Variants in MCC observed in about 807,000 individuals in gnomAD.
MCC encodes colorectal mutant cancer protein.
Under a neutral mutation model 116.2 loss-of-function variants are expected in MCC, and 90 were observed. The observed-to-expected ratio is 0.77, with a 90% confidence interval of 0.65 to 0.92. The LOEUF (loss-of-function observed/expected upper bound fraction) is 0.92. Ranked by LOEUF, MCC falls within the 40% of genes least tolerant of loss-of-function variation. The pLI is 0.00. For synonymous variants in MCC, 578 were observed against 510.5 expected (o/e 1.13, Z -1.78); for missense variants, 1,516 against 1,312.2 (o/e 1.16, Z -2.40).
At chr5:113,152,084 C>G (rs996177769) in intron 3 of MCC, among the ~76,000 whole-genome samples, 1 of 152,192 alleles carries the variant, frequency 6.6e-6, no homozygotes, top group Admixed American at 6.5e-5. Context: ...AGAACTCTGA[C>G]AAATGACGCT....
At chr5:113,454,099 G>A (rs142132569) in intron 1 of MCC, among the ~76,000 whole-genome samples, 75 of 151,706 alleles carry the variant, frequency 4.9e-4, no homozygotes, top group South Asian at 1.0e-3. Context: ...CAACAAGAGC[G>A]AAACTCTGTC....
At position 113,043,565 on chromosome 5, in the gene MCC, A is replaced by T. The variant is rs1437728392; in HGVS notation, c.2721T>A (p.Asn907Lys). 2 of 1,614,082 alleles carry T rather than the reference A, an allele frequency of 1.2e-6. No individual in the cohort carries two copies. The highest frequency in any genetic ancestry group is 1.7e-6 in the Non-Finnish European group (2 of 1,180,038). ...CGTTGGTGAACTCCGCAGCCAGCTC[A>T]TTCTCGCTGCACGTTGTCCTGAGTT... The part of the protein sequence containing the change: ...LAELRTTCSE[N>K]ELAAEFTNAI... Residue 907 changes from asparagine to lysine, a missense_variant, in exon 17 of 19, where the codon AAT becomes AAA. Transcript: ENST00000408903.
intron 3 of MCC, among the ~76,000 whole-genome samples, chr5:113,289,265 G>T (rs1373898957): frequency 6.7e-6 from 1 of 149,088 alleles, no homozygotes; most frequent in Non-Finnish European, 1.5e-5. Context: ...CGGGAGGCAG[G>T]TTGCAGTGAG....
chr5:113,239,119 T>A (rs1764262769), intron 3 of MCC, among the ~76,000 whole-genome samples: 1 of 152,230 alleles, frequency 6.6e-6, no homozygotes, highest in Non-Finnish European at 1.5e-5. Context: ...TAAATATACA[T>A]AAATTGGACA....
chr5:113,386,754 C>CATATATATATAT (rs10673164), intron 1 of MCC, among the ~76,000 whole-genome samples: 14,107 of 140,550 alleles, frequency 0.1, 977 homozygotes, highest in Admixed American at 0.21. Context: ...ATATGTATAT[C>CATATATATATAT]ATATATATAT....
intron 3 of MCC, among the ~76,000 whole-genome samples, chr5:113,295,181 A>G (rs1561512758): frequency 2.0e-5 from 3 of 152,010 alleles, no homozygotes; most frequent in East Asian, 1.9e-4. Flanking sequence ...TTAAAAAAAA[A>G]AAAAGAAAAG....
At chr5:113,439,329 T>A in intron 1 of MCC, among the ~76,000 whole-genome samples, 1 of 150,660 alleles carries the variant, frequency 6.6e-6, no homozygotes, top group Admixed American at 6.6e-5. Context: ...AAAGGACAAT[T>A]GGAGGGTTTC....
intron 16 of MCC, chr5:113,048,524 G>T (rs10071753): frequency 0.04 from 6,184 of 152,860 alleles, 435 homozygotes; most frequent in African/African-American, 0.14. Flanking sequence ...TGTAATAAAA[G>T]CCCCAAAGTG....
At chr5:113,416,605 C>T (rs6879776) in intron 1 of MCC, among the ~76,000 whole-genome samples, 27 of 152,140 alleles carry the variant, frequency 1.8e-4, no homozygotes, top group Non-Finnish European at 2.8e-4. Context: ...TATACACATA[C>T]GCATGTTCAT....
Position 113,434,209 on chromosome 5 carries a change from A to C in MCC, c.171-48997T>G, listed in dbSNP as rs746310690. 1.4e-5 allele frequency: 22 copies of C among 1,614,136 alleles called. No individual in the cohort carries two copies. Among genetic ancestry groups the C allele is most frequent in the Middle Eastern group, 1.6e-4 (1 of 6,062 alleles). On this transcript the variant is annotated intron_variant, in intron 1 of 18. Transcript: ENST00000408903. This position sits in a 1 kb window ranked among gnomAD's most constrained non-coding sequence, Gnocchi z 4.2. Reference sequence around the variant, plus strand: ...GAGTCGTCGTAGGGCATGGAGCCGCAGACCATGATGTAGAGGATCACGCCT... The same window carrying C: ...GAGTCGTCGTAGGGCATGGAGCCGCCGACCATGATGTAGAGGATCACGCCT...
intron 3 of MCC, among the ~76,000 whole-genome samples, chr5:113,168,613 T>C (rs1169849301): frequency 2.0e-5 from 3 of 152,296 alleles, no homozygotes; most frequent in Admixed American, 1.3e-4. Flanking sequence ...AATTCCAGAA[T>C]ATACCACAGG....
At chr5:113,037,685 C>A (rs542287278) in intron 17 of MCC, among the ~76,000 whole-genome samples, 1 of 152,102 alleles carries the variant, frequency 6.6e-6, no homozygotes, top group African/African-American at 2.4e-5. Context: ...CAGAGTGAGA[C>A]CCTGTCTCAA....
chr5:113,476,663 A>C (rs1772240842), intron 1 of MCC, among the ~76,000 whole-genome samples: 2 of 152,202 alleles, frequency 1.3e-5, no homozygotes, highest in African/African-American at 2.4e-5. Context: ...AAACACAAGC[A>C]ATAAAAGGCC....
intron 3 of MCC, among the ~76,000 whole-genome samples, chr5:113,200,112 A>C (rs1762609614): frequency 6.6e-6 from 1 of 152,172 alleles, no homozygotes; most frequent in Non-Finnish European, 1.5e-5. Flanking sequence ...TGGAATTTGG[A>C]AAGTGGAGGA....
chr5:113,102,071 T>C (rs1051067552), intron 7 of MCC, 126 bp from the exon 8 acceptor site: 1 of 877,582 alleles, frequency 1.1e-6, no homozygotes, highest in Non-Finnish European at 1.8e-6. Flanking sequence ...TTGTTATAAA[T>C]AGTGATCATG....
At chr5:113,231,727 A>G (rs1413946878) in intron 3 of MCC, among the ~76,000 whole-genome samples, 6 of 152,202 alleles carry the variant, frequency 3.9e-5, no homozygotes, top group African/African-American at 1.4e-4. Flanking sequence ...CAATTTGCCA[A>G]TGTGTCTGAA....
At chr5:113,288,260 G>A (rs1278523795) in intron 3 of MCC, among the ~76,000 whole-genome samples, 2 of 152,232 alleles carry the variant, frequency 1.3e-5, no homozygotes. Context: ...TTGGCCAACT[G>A]TAGAAGGAAC....
chr5:113,064,033 C>T lies in MCC; in HGVS notation c.2164G>A (p.Gly722Ser), dbSNP rs1309321983. The T allele has an allele frequency of 1.8e-5, 29 of 1,614,040 alleles. No homozygotes were observed. The highest frequency in any genetic ancestry group is 9.9e-5 in the South Asian group (9 of 91,068). ...CTCTCCCAGGGCTGCACGCTGCAGCCGGCCACGGCAAAGGCTCCCCCACAG... is the reference window on the plus strand; with the variant it reads ...CTCTCCCAGGGCTGCACGCTGCAGCTGGCCACGGCAAAGGCTCCCCCACAG... ...GSCGGAFAVA[G>S]CSVQPWESLS... The change falls in exon 14 of 19, where the codon GGC becomes AGC. Residue 722 changes from glycine to serine, a missense_variant. Coordinates refer to ENST00000408903, the MANE Select transcript of MCC (RefSeq NM_001085377.2).
intron 1 of MCC, among the ~76,000 whole-genome samples, chr5:113,412,625 T>C (rs973233990): frequency 6.6e-6 from 1 of 152,228 alleles, no homozygotes; most frequent in Non-Finnish European, 1.5e-5. Flanking sequence ...TGATTTTGTA[T>C]ACTGAGACGT....
Sources: gnomAD v4.1 joint callset for allele counts (sites outside exome capture counted in the v4.1 genomes callset) on GRCh38, gnomAD v4.1.1 for gene constraint, Gnocchi (gnomAD v3.1) non-coding constraint, MANE v1.5 for transcripts, NCBI Gene and HGNC (gene_info 2026-07-23, HGNC 2026-07-21) for gene names.